Variants in SYT14 observed in about 807,000 individuals in gnomAD.
SYT14 encodes synaptotagmin 14.
A neutral mutation model predicts 74.2 loss-of-function variants in SYT14; 32 were observed. The ratio of observed to expected loss-of-function variants is 0.43; its 90% CI spans 0.33 to 0.58. The LOEUF (loss-of-function observed/expected upper bound fraction) is 0.58, where lower values mean the gene tolerates loss of function less well. SYT14 is among the 20% of genes least tolerant of loss of function. The probability of loss-of-function intolerance (pLI) is 0.05; values close to 1 mark genes in which losing one functional copy is unlikely to be tolerated. For synonymous variants in SYT14, 298 were observed against 337.7 expected (o/e 0.88, Z 1.29); for missense variants, 791 against 981.8 (o/e 0.81, Z 2.60).
chr1:210,114,184 G>A (rs1217249971), intron 7 of SYT14, among the ~76,000 whole-genome samples: 10 of 151,452 alleles, frequency 6.6e-5, no homozygotes, highest in African/African-American at 2.2e-4. Context: ...CCGATTTCCA[G>A]TGGGGTCCCT....
intron 8 of SYT14, 107 bp downstream of exon 7, chr1:210,156,017 T>G: frequency 1.0e-6 from 1 of 993,140 alleles, no homozygotes; most frequent in South Asian, 1.4e-5. Context: ...CAAAATGAAA[T>G]GGTGTAATCA....
chr1:210,081,340 A>T (rs555087553), intron 5 of SYT14, among the ~76,000 whole-genome samples: 3 of 152,330 alleles, frequency 2.0e-5, no homozygotes, highest in Admixed American at 2.0e-4. Flanking sequence ...ATAGTTAAGG[A>T]TGTTCAGGCA....
At chr1:210,113,509 C>G (rs1441972011) in intron 7 of SYT14, among the ~76,000 whole-genome samples, 1 of 151,126 alleles carries the variant, frequency 6.6e-6, no homozygotes, top group East Asian at 1.9e-4. Flanking sequence ...CTGTAACAGG[C>G]AAGTGATAAC....
intron 2 of SYT14, among the ~76,000 whole-genome samples, chr1:210,001,417 T>C (rs1446057437): frequency 6.6e-6 from 1 of 152,178 alleles, no homozygotes; most frequent in African/African-American, 2.4e-5. Context: ...TCTAACTCTG[T>C]CTTGATGTAT....
intron 4 of SYT14, chr1:210,017,140 C>CTT: frequency 9.2e-7 from 1 of 1,084,056 alleles, no homozygotes; most frequent in South Asian, 5.2e-5. Context: ...TAAATTTTCT[C>CTT]TTGATTTTTT....
At chr1:210,010,089 A>G (rs986437555) in intron 2 of SYT14, among the ~76,000 whole-genome samples, 2 of 152,148 alleles carry the variant, frequency 1.3e-5, no homozygotes, top group African/African-American at 4.8e-5. Context: ...AACTGAAGAT[A>G]TTTTACCACT....
Position 210,159,491 on chromosome 1 carries a change from G to A in SYT14, c.2281+14G>A, listed in dbSNP as rs2083331688. 2 of 1,551,040 alleles carry A rather than the reference G, an allele frequency of 1.3e-6. No homozygotes were observed. The highest frequency in any genetic ancestry group is 8.7e-7 in the Non-Finnish European group (1 of 1,146,476). On this transcript the variant is annotated intron_variant, in intron 9 of 9. Transcript: ENST00000637265. ...ATATAATCCGAGGTGAGTTCCTGTAGAGGCTAATTGGATGTTGTCTTTTCA... is the reference window on the plus strand; with the variant it reads ...ATATAATCCGAGGTGAGTTCCTGTAAAGGCTAATTGGATGTTGTCTTTTCA...
chr1:210,161,395 T>G, exon 10 of SYT14: 1 of 456,494 alleles, frequency 2.2e-6, no homozygotes, highest in Non-Finnish European at 4.3e-6. Context: ...AAACCAGAAT[T>G]TTAGTTGCAA....
intron 1 of SYT14, among the ~76,000 whole-genome samples, chr1:209,942,418 C>A (rs974342149): frequency 7.5e-6 from 1 of 133,366 alleles, no homozygotes; most frequent in Non-Finnish European, 1.5e-5. Context: ...TTTTAAGTAA[C>A]CAGGAATCTG....
intron 7 of SYT14, among the ~76,000 whole-genome samples, chr1:210,129,865 C>T (rs139510349): frequency 7.9e-5 from 12 of 152,294 alleles, no homozygotes; most frequent in Middle Eastern, 3.4e-3. Flanking sequence ...CTCAGGCTCC[C>T]ACTTAGACCT....
At chr1:210,155,219 A>G (rs2083244325) in intron 7 of SYT14, among the ~76,000 whole-genome samples, 1 of 152,230 alleles carries the variant, frequency 6.6e-6, no homozygotes, top group Non-Finnish European at 1.5e-5. Context: ...ATGTAACTAC[A>G]TCAATTTGTT....
At chr1:210,015,111 G>C (rs1256285902) in intron 3 of SYT14, among the ~76,000 whole-genome samples, 1 of 151,766 alleles carries the variant, frequency 6.6e-6, no homozygotes, top group East Asian at 1.9e-4. Flanking sequence ...AAAACAAAAA[G>C]AAAATGGGGA....
In SYT14 at chr1:210,124,252, A is replaced by AT. The variant is rs923410912; in HGVS notation, c.2034+23791_2034+23792insT. On this transcript the variant is annotated intron_variant, in intron 7 of 9. Transcript: ENST00000637265. ...AATTAGAAGACAGAAATGAAAAAAA[A>AT]AAATAAATAAATAACTCCAGGAAAT... Among the ~76,000 whole-genome samples, 157 of 151,570 alleles carry AT rather than the reference A, an allele frequency of 1.0e-3. 1 individual carries two copies. The highest frequency in any genetic ancestry group is 4.9e-3 in the East Asian group (25 of 5,152).
Position 210,145,413 on chromosome 1 carries a change from T to G in SYT14, c.2035-10308T>G, listed in dbSNP as rs573745614. Among the ~76,000 whole-genome samples, 3 of 152,326 alleles carry G rather than the reference T, an allele frequency of 2.0e-5. No individual in the cohort carries two copies. The East Asian group carries it at 5.8e-4, about 29-fold the overall frequency. On this transcript the variant is annotated intron_variant, in intron 7 of 9. Coordinates refer to ENST00000637265, the Ensembl canonical transcript of SYT14. Reference sequence around the variant, plus strand: ...CCATTACTTGTAGAGTAGGTCCAACTTTTCTTACCACCGCATTTCATGTCT... The same window carrying G: ...CCATTACTTGTAGAGTAGGTCCAACGTTTCTTACCACCGCATTTCATGTCT...
chr1:210,049,109 A>G (rs1392789329), intron 5 of SYT14, among the ~76,000 whole-genome samples: 1 of 152,106 alleles, frequency 6.6e-6, no homozygotes, highest in East Asian at 1.9e-4. Context: ...CTTTCACAGG[A>G]TGGTGTTGAG....
At chr1:210,107,508 A>G (rs746038191) in intron 7 of SYT14, among the ~76,000 whole-genome samples, 1 of 152,156 alleles carries the variant, frequency 6.6e-6, no homozygotes, top group South Asian at 2.1e-4. Flanking sequence ...AGTATAAAAA[A>G]TACTGTATTT....
At chr1:210,106,153 G>A (rs1293178061) in intron 7 of SYT14, among the ~76,000 whole-genome samples, 2 of 152,218 alleles carry the variant, frequency 1.3e-5, no homozygotes, top group Non-Finnish European at 2.9e-5. Flanking sequence ...AGCAGACTCT[G>A]AGAGGGAGTT....
chr1:210,027,087 T>G (rs1464475407), intron 5 of SYT14, among the ~76,000 whole-genome samples: 4 of 152,228 alleles, frequency 2.6e-5, no homozygotes. Flanking sequence ...AGCTGTTGAC[T>G]GGAAGCCTTT....
intron 5 of SYT14, among the ~76,000 whole-genome samples, chr1:210,059,223 G>A (rs993961513): frequency 8.6e-5 from 13 of 151,616 alleles, no homozygotes; most frequent in African/African-American, 3.2e-4. Flanking sequence ...TTAAGGGCAG[G>A]ATGAGAGAAA....
Sources: gnomAD v4.1 joint callset for allele counts (sites outside exome capture counted in the v4.1 genomes callset) on GRCh38, gnomAD v4.1.1 for gene constraint, MANE v1.5 for transcripts, NCBI Gene and HGNC (gene_info 2026-07-23, HGNC 2026-07-21) for gene names.